SKI: variants seen among roughly 807,000 people sequenced by gnomAD.
The protein encoded by SKI is ski oncogene.
SKI carries 23 observed loss-of-function variants against 59.3 expected under a neutral mutation model. The observed-to-expected ratio is 0.39, with a 90% confidence interval of 0.28 to 0.55. SKI has a LOEUF of 0.55. Ranked by LOEUF, SKI falls within the 20% of genes least tolerant of loss-of-function variation. The pLI is 0.67. For synonymous variants in SKI, 673 were observed against 488.6 expected, an observed-to-expected ratio of 1.38 and a Z score of -4.98; for missense variants, 1,017 against 1,038.9, an observed-to-expected ratio of 0.98 and a Z score of 0.29.
chr1:2,296,507 C>G (rs1328285803), intron 1 of SKI, among the ~76,000 whole-genome samples: 1 of 152,346 alleles, frequency 6.6e-6, no homozygotes, highest in African/African-American at 2.4e-5. Flanking sequence ...CATGCGGTTA[C>G]TGGATGTTAG....
At chr1:2,263,158 C>T (rs968194657) in intron 1 of SKI, among the ~76,000 whole-genome samples, 3 of 152,218 alleles carry the variant, frequency 2.0e-5, no homozygotes, top group African/African-American at 7.2e-5. Context: ...GCCTCGGCCT[C>T]CCAAAGTGCT....
chr1:2,289,138 G>A (rs765858398), intron 1 of SKI, among the ~76,000 whole-genome samples: 24 of 152,200 alleles, frequency 1.6e-4, no homozygotes, highest in Admixed American at 3.3e-4. Context: ...GCCCCTCCCC[G>A]AGGAGCAGTG....
rs1345702851 is a variant in SKI at position 2,303,037 on chromosome 1, C to T, written c.1029C>T (p.Ser343=). The change falls in exon 2 of 7, where the codon TCC becomes TCT. Residue 343 remains serine (S), a synonymous_variant. Coordinates refer to ENST00000378536, the MANE Select transcript of SKI (RefSeq NM_003036.4). The surrounding 1 kb of genome is among the most constrained non-coding windows in gnomAD (Gnocchi z 5.6). ...AAACAGATGACACCTCTTCCCAGTCCCCCGCGCCTTCCGAAAAGGACAAGC... is the reference window on the plus strand; with the variant it reads ...AAACAGATGACACCTCTTCCCAGTCTCCCGCGCCTTCCGAAAAGGACAAGC... ...RPKTDDTSSQ[S]PAPSEKDKPS... is the part of the protein sequence containing the mutation. 1 of 1,613,754 alleles carries T rather than the reference C, an allele frequency of 6.2e-7. No individual in the cohort carries two copies. The highest frequency in any genetic ancestry group is 8.5e-7 in the Non-Finnish European group (1 of 1,180,022).
At chr1:2,300,801 C>T (rs1409278464) in intron 1 of SKI, among the ~76,000 whole-genome samples, 1 of 152,184 alleles carries the variant, frequency 6.6e-6, no homozygotes, top group Non-Finnish European at 1.5e-5. Context: ...GTCCCTGGCC[C>T]CAAGGATGGC....
rs1448069371 is a variant in SKI, at chr1:2,310,040, C to T, written c.*3275C>T. ...CGCTGCTGCTAACGACAGTATGATGCTTACTCTGCTACTCGGAAACTATTT... is the reference window on the plus strand; with the variant it reads ...CGCTGCTGCTAACGACAGTATGATGTTTACTCTGCTACTCGGAAACTATTT... On this transcript the variant is annotated 3_prime_UTR_variant, in exon 7 of 7. Coordinates refer to ENST00000378536, the MANE Select transcript of SKI (RefSeq NM_003036.4). 1 of 150,240 alleles carries T rather than the reference C, an allele frequency of 6.7e-6. No homozygotes were observed. Among genetic ancestry groups the T allele is most frequent in the Non-Finnish European group, 1.5e-5 (1 of 67,730 alleles). 9.3% of individuals were successfully genotyped at this position (150,240 alleles called of 1,614,324 possible). A position where few individuals can be genotyped will look rare whatever the true frequency, so the allele number is the denominator to read the frequency against.
intron 1 of SKI, among the ~76,000 whole-genome samples, chr1:2,289,430 A>T (rs1640113580): frequency 6.7e-6 from 1 of 148,456 alleles, no homozygotes. Flanking sequence ...CTAAGATCAA[A>T]TGTGGCACTG....
At chr1:2,298,555 G>C (rs966991622) in intron 1 of SKI, among the ~76,000 whole-genome samples, 1 of 152,220 alleles carries the variant, frequency 6.6e-6, no homozygotes, top group African/African-American at 2.4e-5. Context: ...CCCGGGTCCT[G>C]TTTCCCCCTT....
At chr1:2,256,226 C>T (rs553811551) in intron 1 of SKI, among the ~76,000 whole-genome samples, 2 of 151,686 alleles carry the variant, frequency 1.3e-5, no homozygotes, top group South Asian at 4.2e-4. Flanking sequence ...CTGTCCTGAC[C>T]TCATTTCCTG....
At position 2,229,345 on chromosome 1, in the gene SKI, C is replaced by T; in HGVS notation, c.579C>T (p.Gly193=). 3.8e-6 allele frequency: 6 copies of T among 1,594,442 alleles called. No homozygotes were observed. The highest frequency in any genetic ancestry group is 5.1e-6 in the Non-Finnish European group (6 of 1,171,024). ...ERLCNALLYG[G]AYPPPCKKEL... is the part of the protein sequence containing the mutation. The stretch of plus-strand genomic sequence containing the variant: ...TGTGCAACGCGCTGCTCTACGGCGG[C>T]GCCTACCCGCCGCCCTGCAAGAAGG... Residue 193 remains glycine (G), a synonymous_variant, in exon 1 of 7, where the codon GGC becomes GGT. Coordinates refer to ENST00000378536, the MANE Select transcript of SKI (RefSeq NM_003036.4). The surrounding 1 kb of genome is among the most constrained non-coding windows in gnomAD (Gnocchi z 6.3).
chr1:2,305,118 G>A (rs1358773762), intron 5 of SKI, among the ~76,000 whole-genome samples: 1 of 152,212 alleles, frequency 6.6e-6, no homozygotes, highest in Non-Finnish European at 1.5e-5. Flanking sequence ...AGGAAGGAGA[G>A]GGCTCGGCCC....
chr1:2,305,398 GT>G (rs1557853278), intron 5 of SKI, among the ~76,000 whole-genome samples: 1 of 152,110 alleles, frequency 6.6e-6, no homozygotes, highest in African/African-American at 2.4e-5. Context: ...ACACAACCCC[GT>G]CGGCCCTCAG....
chr1:2,285,502 CA>C (rs1411441679), intron 1 of SKI, among the ~76,000 whole-genome samples: 2 of 149,994 alleles, frequency 1.3e-5, no homozygotes, highest in Non-Finnish European at 3.0e-5. Context: ...GTGACAAAAG[CA>C]AAAGTCTGTC....
chr1:2,293,420 G>A (rs1640209679), intron 1 of SKI, among the ~76,000 whole-genome samples: 1 of 110,424 alleles, frequency 9.1e-6, no homozygotes, highest in Admixed American at 1.0e-4. Flanking sequence ...TGAGAAGCCA[G>A]GGCGAGGCCC....
chr1:2,229,823 G>A lies in SKI; in HGVS notation c.969+88G>A, dbSNP rs1638591753. ...TACAGGCTCTGGTCTCCGAAGGCTGGGACCTGTGCTTCTGCCGTGCCCCAT... is the reference window on the plus strand; with the variant it reads ...TACAGGCTCTGGTCTCCGAAGGCTGAGACCTGTGCTTCTGCCGTGCCCCAT... On this transcript the variant is annotated intron_variant, in intron 1 of 6. Coordinates refer to ENST00000378536, the MANE Select transcript of SKI (RefSeq NM_003036.4). This position sits in a 1 kb window ranked among gnomAD's most constrained non-coding sequence, Gnocchi z 6.3. The A allele has an allele frequency of 6.5e-7, 1 of 1,543,112 alleles. No homozygotes were observed. Among genetic ancestry groups the A allele is most frequent in the African/African-American group, 1.4e-5 (1 of 72,776 alleles).
chr1:2,273,818 G>C (rs563213744), intron 1 of SKI, among the ~76,000 whole-genome samples: 1 of 152,324 alleles, frequency 6.6e-6, no homozygotes, highest in South Asian at 2.1e-4. Flanking sequence ...TGGCCCTCCT[G>C]TCTGTTCTGT....
At chr1:2,238,973 C>T (rs568814800) in intron 1 of SKI, among the ~76,000 whole-genome samples, 9 of 152,128 alleles carry the variant, frequency 5.9e-5, no homozygotes, top group African/African-American at 1.2e-4. Flanking sequence ...GGTGGGGACC[C>T]GGCCTGGCAT....
At chr1:2,231,638 C>T (rs1256688833) in intron 1 of SKI, among the ~76,000 whole-genome samples, 5 of 152,322 alleles carry the variant, frequency 3.3e-5, no homozygotes, top group South Asian at 2.1e-4. Context: ...TTTCATTTAC[C>T]GATTAAAAAG....
At chr1:2,232,937 T>C (rs1638673224) in intron 1 of SKI, among the ~76,000 whole-genome samples, 3 of 152,312 alleles carry the variant, frequency 2.0e-5, no homozygotes, top group Non-Finnish European at 2.9e-5. Context: ...CTCTTTCTTC[T>C]TTCCGGTCGG....
chr1:2,264,626 T>G (rs150771814), intron 1 of SKI, among the ~76,000 whole-genome samples: 2 of 151,928 alleles, frequency 1.3e-5, no homozygotes, highest in Non-Finnish European at 2.9e-5. Context: ...GGTCTTGAAC[T>G]TGGACTCAAG....
Sources: allele counts gnomAD v4.1 joint callset (sites outside exome capture counted in the v4.1 genomes callset), GRCh38; gene constraint gnomAD v4.1.1; non-coding constraint Gnocchi (gnomAD v3.1); transcripts MANE v1.5; gene names NCBI Gene and HGNC (gene_info 2026-07-23, HGNC 2026-07-21).